KL: variants seen among roughly 807,000 people sequenced by gnomAD.
KL encodes the protein alpha-klotho.
KL carries 62 observed loss-of-function variants against 84.2 expected under a neutral mutation model. That is an observed-to-expected ratio of 0.74 (90% CI 0.60 to 0.91). The LOEUF (loss-of-function observed/expected upper bound fraction) is 0.91, where lower values mean the gene tolerates loss of function less well. Ranked by LOEUF, KL falls within the 40% of genes least tolerant of loss-of-function variation. KL has a pLI of 0.00. For missense variants in KL, 1,261 were observed against 1,305.7 expected, an observed-to-expected ratio of 0.97 and a Z score of 0.53; for synonymous variants, 528 against 528.0, an observed-to-expected ratio of 1.00 and a Z score of 0.00.
chr13:33,058,765 A>G (rs1872064760), intron 3 of KL, among the ~76,000 whole-genome samples: 1 of 152,236 alleles, frequency 6.6e-6, no homozygotes, highest in Non-Finnish European at 1.5e-5. Flanking sequence ...AAAAAAAGTT[A>G]TGAATTTAGT....
Position 33,061,791 on chromosome 13 carries a change from C to T in KL, c.2701+11C>T, listed in dbSNP as rs1419292493. 1.2e-6 allele frequency: 2 copies of T among 1,611,788 alleles called. No homozygotes were observed. The highest frequency in any genetic ancestry group is 2.7e-5 in the African/African-American group (2 of 74,924). ...ACGAAGCTCTCAAAGGTAAGGAGCC[C>T]TAGCTGCGGCTATCTCCTGAAGGTT... is the stretch of plus-strand genomic sequence containing the variant. On this transcript the variant is annotated intron_variant, in intron 4 of 4. Coordinates refer to ENST00000380099, the MANE Select transcript of KL (RefSeq NM_004795.4).
chr13:33,054,049 G>C lies in KL; in HGVS notation c.1102G>C (p.Ala368Pro). 6.2e-7 allele frequency: 1 copy of C among 1,612,200 alleles called. No individual in the cohort carries two copies. ...KFIKGTADFF[A>P]LCFGPTLSFQ... is the part of the protein sequence containing the mutation. ...CATCAAAGGAACTGCTGACTTTTTTGCTCTTTGCTTTGGACCCACCTTGAG... is the reference window on the plus strand; with the variant it reads ...CATCAAAGGAACTGCTGACTTTTTTCCTCTTTGCTTTGGACCCACCTTGAG... The change falls in exon 2 of 5, where the codon GCT (alanine) becomes CCT (proline). Residue 368 changes from alanine to proline, a missense_variant. Ala to Pro is a conservative substitution (Grantham distance 27). Coordinates refer to ENST00000380099, the MANE Select transcript of KL (RefSeq NM_004795.4).
At chr13:33,020,398 G>A (rs1870533167) in intron 1 of KL, among the ~76,000 whole-genome samples, 1 of 152,060 alleles carries the variant, frequency 6.6e-6, no homozygotes, top group Admixed American at 6.6e-5. Context: ...TCAGGGCTCT[G>A]TCTAGATTCA....
chr13:33,044,674 A>C, intron 1 of KL, among the ~76,000 whole-genome samples: 1 of 68,676 alleles, frequency 1.5e-5, no homozygotes, highest in African/African-American at 4.6e-5. Flanking sequence ...TTTTTGAGAC[A>C]GAGGCTTACT....
At chr13:33,019,609 A>G (rs1870496784) in intron 1 of KL, among the ~76,000 whole-genome samples, 1 of 152,034 alleles carries the variant, frequency 6.6e-6, no homozygotes, top group Admixed American at 6.5e-5. Context: ...AGGAGGCAGA[A>G]CAAACAAACA....
rs1206875378 is a variant in KL at position 33,026,812 on chromosome 13, TTC to T, written c.819+9556_819+9557del. Among the ~76,000 whole-genome samples the T allele has an allele frequency of 2.0e-5, 3 of 152,306 alleles. No individual in the cohort carries two copies. The East Asian group carries it at 5.8e-4, about 29-fold the overall frequency. The stretch of plus-strand genomic sequence containing the variant: ...TTCCTGAGGGTGCAGTGAATGCTCT[TTC>T]TCCCTACTTGGGACTTCTGGGAAAC... On this transcript the variant is annotated intron_variant, in intron 1 of 4. Coordinates refer to ENST00000380099, the MANE Select transcript of KL (RefSeq NM_004795.4).
chr13:33,061,216 G>A lies in KL; in HGVS notation c.2137G>A (p.Val713Met). The part of the protein sequence containing the change: ...LLKAHALAWH[V>M]YNEKFRHAQN... ...GAAGGCCCATGCCCTGGCTTGGCATGTGTACAATGAAAAGTTTAGGCATGC... is the reference window on the plus strand; with the variant it reads ...GAAGGCCCATGCCCTGGCTTGGCATATGTACAATGAAAAGTTTAGGCATGC... Residue 713 changes from valine to methionine, a missense_variant, in exon 4 of 5, where the codon GTG becomes ATG. Transcript: ENST00000380099. 1 of 1,614,244 alleles carries A rather than the reference G, an allele frequency of 6.2e-7. No individual in the cohort carries two copies. The highest frequency in any genetic ancestry group is 8.5e-7 in the Non-Finnish European group (1 of 1,180,048).
intron 1 of KL, among the ~76,000 whole-genome samples, chr13:33,046,160 T>A (rs186055200): frequency 6.6e-6 from 1 of 152,228 alleles, no homozygotes; most frequent in African/African-American, 2.4e-5. Context: ...CTGGCCACAT[T>A]GGCTAAGTTA....
chr13:33,060,043 A>G (rs1357469606), intron 3 of KL, among the ~76,000 whole-genome samples: 4 of 152,138 alleles, frequency 2.6e-5, no homozygotes, highest in Admixed American at 1.3e-4. Flanking sequence ...GACTTACTGC[A>G]GCCTTGACCT....
chr13:33,040,427 A>G (rs879746014), intron 1 of KL, among the ~76,000 whole-genome samples: 5 of 152,112 alleles, frequency 3.3e-5, no homozygotes, highest in Non-Finnish European at 5.9e-5. Flanking sequence ...GCCTTCTAAA[A>G]TTTTTTCAAT....
In KL at chr13:33,065,365, A is replaced by T. The variant is rs572468204; in HGVS notation, c.*1179A>T. On this transcript the variant is annotated 3_prime_UTR_variant, in exon 5 of 5. Coordinates refer to ENST00000380099, the MANE Select transcript of KL (RefSeq NM_004795.4). The stretch of plus-strand genomic sequence containing the variant: ...TTTCACGCTGAAACATGCTAGTGAT[A>T]TCTAGAAAGGGCTAATTAGGTCTCA... The T allele has an allele frequency of 4.9e-6, 1 of 204,110 alleles. No individual in the cohort carries two copies. The highest frequency in any genetic ancestry group is 2.3e-5 in the African/African-American group (1 of 43,876). The allele number at this position is 204,110 out of a possible 1,614,324, so 12.6% of individuals were successfully genotyped here. A position where few individuals can be genotyped will look rare whatever the true frequency, so the allele number is the denominator to read the frequency against.
intron 1 of KL, among the ~76,000 whole-genome samples, chr13:33,026,005 A>G (rs1870761879): frequency 6.6e-6 from 1 of 152,230 alleles, no homozygotes; most frequent in South Asian, 2.1e-4. Flanking sequence ...AATCCGTTAG[A>G]GGAATGTTGG....
At chr13:33,025,152 G>C (rs1870720677) in intron 1 of KL, among the ~76,000 whole-genome samples, 1 of 152,160 alleles carries the variant, frequency 6.6e-6, no homozygotes, top group Non-Finnish European at 1.5e-5. Flanking sequence ...AATGCCTTAA[G>C]AGAAATAAGT....
intron 1 of KL, among the ~76,000 whole-genome samples, chr13:33,019,251 G>A (rs1306981625): frequency 1.3e-5 from 2 of 151,268 alleles, no homozygotes; most frequent in Non-Finnish European, 2.9e-5. Context: ...AATTAATTTT[G>A]TTGTATGAGA....
intron 1 of KL, among the ~76,000 whole-genome samples, chr13:33,033,581 G>A (rs1344255971): frequency 2.6e-5 from 4 of 151,936 alleles, no homozygotes; most frequent in Non-Finnish European, 4.4e-5. Flanking sequence ...CTGCCCTACC[G>A]CCATAGCCAC....
chr13:33,026,723 C>T (rs1870791716), intron 1 of KL, among the ~76,000 whole-genome samples: 4 of 152,228 alleles, frequency 2.6e-5, no homozygotes, highest in African/African-American at 9.6e-5. Context: ...CTACCAGCAG[C>T]CCTGGCCTGG....
Position 33,061,065 on chromosome 13 carries a change from T to C in KL, c.1986T>C (p.Thr662=), listed in dbSNP as rs375618573. 8.7e-6 allele frequency: 14 copies of C among 1,611,398 alleles called. No individual in the cohort carries two copies. In the African/African-American group the frequency reaches 1.7e-4, roughly 20 times the overall value. Residue 662 remains threonine (T), a synonymous_variant, in exon 4 of 5, where the codon ACT becomes ACC. Transcript: ENST00000380099. The stretch of plus-strand genomic sequence containing the variant: ...AGGGCGCCTGGGAGAACCCCTACAC[T>C]GCCCTGGCCTTTGCAGAGTATGCCC... ...ARQGAWENPY[T]ALAFAEYARL...
intron 1 of KL, among the ~76,000 whole-genome samples, chr13:33,032,480 C>T (rs1593794199): frequency 6.6e-6 from 1 of 152,152 alleles, no homozygotes; most frequent in Admixed American, 6.5e-5. Flanking sequence ...CTGTTGGCCT[C>T]GCTTACACAA....
Position 33,061,378 on chromosome 13 carries a change from T to C in KL, c.2299T>C (p.Ser767Pro). 1 of 1,614,224 alleles carries C rather than the reference T, an allele frequency of 6.2e-7. No individual in the cohort carries two copies. The highest frequency in any genetic ancestry group is 2.2e-5 in the East Asian group (1 of 44,890). Reference protein sequence around the residue: ...IGWLAEPIFGSGDYPWVMRDW... With the variant: ...IGWLAEPIFGPGDYPWVMRDW... ...CTGGCTGGCTGAGCCCATTTTCGGC[T>C]CTGGAGATTATCCATGGGTGATGAG... is the stretch of plus-strand genomic sequence containing the variant. Residue 767 changes from serine to proline, a missense_variant, in exon 4 of 5, where the codon TCT (serine) becomes CCT (proline). By Grantham distance (74) the Ser-to-Pro change is moderately conservative (BLOSUM62 -1). Coordinates refer to ENST00000380099, the MANE Select transcript of KL (RefSeq NM_004795.4).
Sources: allele counts gnomAD v4.1 joint callset (sites outside exome capture counted in the v4.1 genomes callset), GRCh38; gene constraint gnomAD v4.1.1; transcripts MANE v1.5; gene names NCBI Gene and HGNC (gene_info 2026-07-23, HGNC 2026-07-21).